The following C7orf57 variants were observed in gnomAD, a reference collection of about 807,000 sequenced individuals.
C7orf57 encodes uncharacterized protein C7orf57.
A neutral mutation model predicts 39.0 loss-of-function variants in C7orf57; 33 were observed. The ratio of observed to expected loss-of-function variants is 0.85; its 90% confidence interval spans 0.64 to 1.13. The LOEUF (loss-of-function observed/expected upper bound fraction) is 1.13. C7orf57 is among the 50% of genes most tolerant of loss of function. The probability of loss-of-function intolerance (pLI) is 0.00; values close to 1 mark genes in which losing one functional copy is unlikely to be tolerated. For synonymous variants in C7orf57, 124 were observed against 137.1 expected (o/e 0.90, Z 0.67); for missense variants, 346 against 362.3 (o/e 0.95, Z 0.37).
intron 2 of C7orf57, among the ~76,000 whole-genome samples, chr7:48,040,003 A>G (rs767824057): frequency 6.6e-6 from 1 of 152,138 alleles, no homozygotes; most frequent in Non-Finnish European, 1.5e-5. Flanking sequence ...TCAGATTCAA[A>G]TAGTTACCTA....
At position 48,049,973 on chromosome 7, in the gene C7orf57, C is replaced by G. The variant is rs765835328; in HGVS notation, c.601C>G (p.Pro201Ala). ...NPAGSRLSFP[P>A]VPGQKNSSPT... ...TGCAGGAAGTAGACTCTCCTTCCCC[C>G]CCGTGTAAGTGCTTGAGCTACGCCC... The change falls in exon 6 of 9, where the codon CCC becomes GCC. Residue 201 changes from proline to alanine, a missense_variant. Coordinates refer to ENST00000348904, the MANE Select transcript of C7orf57 (RefSeq NM_001100159.3). The G allele has an allele frequency of 1.3e-5, 21 of 1,605,054 alleles. No individual in the cohort carries two copies. The East Asian group carries it at 1.6e-4, about 12-fold the overall frequency.
rs141572433 is a variant in C7orf57, at chr7:48,048,230, G to C, written c.507+1614G>C. Among the ~76,000 whole-genome samples the C allele has an allele frequency of 3.3e-5, 5 of 152,284 alleles. No homozygotes were observed. In the East Asian group the frequency reaches 9.6e-4, roughly 29 times the overall value. On this transcript the variant is annotated intron_variant, in intron 5 of 8. Coordinates refer to ENST00000348904, the MANE Select transcript of C7orf57 (RefSeq NM_001100159.3). The stretch of plus-strand genomic sequence containing the variant: ...AGGTGCAGGGGATGAGCACCGCATC[G>C]GGATGGGCTCTGATTTCCCTAATAA...
At position 48,052,771 on chromosome 7, in the gene C7orf57, T is replaced by TGCA. The variant is rs1176849555; in HGVS notation, c.689_691dup (p.Gln230dup). ...AGCAATGGTTATAAGGATGAGTGGT[T>TGCA]GCAGCAGCAGCAGCGAGCTGACTCA... On this transcript the variant is annotated inframe_insertion, in exon 7 of 9. Transcript: ENST00000348904. 1.2e-6 allele frequency: 2 copies of TGCA among 1,614,018 alleles called. No individual in the cohort carries two copies. The highest frequency in any genetic ancestry group is 1.7e-6 in the Non-Finnish European group (2 of 1,179,900).
Position 48,041,437 on chromosome 7 carries a change from G to A in C7orf57, c.159G>A (p.Glu53=). Residue 53 remains glutamate (E), a synonymous_variant, in exon 3 of 9, where the codon GAG becomes GAA. Transcript: ENST00000348904. ...GCAATTTGGGAGACTCACACAGCGA[G>A]AACCTGCCTGGGACTCGGAGATACT... ...GLSNLGDSHS[E]NLPGTRRYWI... 6.2e-7 allele frequency: 1 copy of A among 1,613,984 alleles called. No homozygotes were observed. The highest frequency in any genetic ancestry group is 8.5e-7 in the Non-Finnish European group (1 of 1,179,878).
chr7:48,051,857 TTC>T lies in C7orf57; in HGVS notation c.606-841_606-840del, dbSNP rs1491430562. On this transcript the variant is annotated intron_variant, in intron 6 of 8. Coordinates refer to ENST00000348904, the MANE Select transcript of C7orf57 (RefSeq NM_001100159.3). Reference sequence around the variant, plus strand: ...TTTCTTTCTTTCTTTCTTTCTTTCTTTCTTTCTTTCTTTCTCTTTCTCTTTCT... The same window carrying T: ...TTTCTTTCTTTCTTTCTTTCTTTCTTTTTCTTTCTTTCTCTTTCTCTTTCT... 2.5e-4 allele frequency among the ~76,000 whole-genome samples: 21 copies of T among 84,208 alleles called. 6 individuals are homozygous for T. Among genetic ancestry groups the T allele is most frequent in the Non-Finnish European group, 4.0e-4 (17 of 42,660 alleles). The allele number at this position is 84,208 out of a possible 152,430, so 55.2% of individuals were successfully genotyped here. A position where few individuals can be genotyped will look rare whatever the true frequency, so the allele number is the denominator to read the frequency against.
chr7:48,051,754 C>T (rs13241437), intron 6 of C7orf57, among the ~76,000 whole-genome samples: 1 of 12,888 alleles, frequency 7.8e-5, no homozygotes, highest in Admixed American at 9.0e-4. Flanking sequence ...TTTTTCTTTT[C>T]TTTCTTTCTT....
rs751359233 is a variant in C7orf57 at position 48,046,616 on chromosome 7, G to A, written c.507G>A (p.Lys169=). 3.1e-6 allele frequency: 5 copies of A among 1,610,644 alleles called. No individual in the cohort carries two copies. In the South Asian group the frequency reaches 4.4e-5, roughly 14 times the overall value. ...EAEELEKEKK[K]LRLPAIDSKY... is the part of the protein sequence containing the mutation. ...AGGAACTTGAAAAGGAGAAAAAAAA[G>A]GTGACGGGAGCCCATAAATAGACGG... Residue 169 remains lysine (K), a splice_region_variant and synonymous_variant, in exon 5 of 9, where the codon AAG becomes AAA. Transcript: ENST00000348904.
intron 2 of C7orf57, among the ~76,000 whole-genome samples, chr7:48,040,768 T>C (rs1191149582): frequency 6.6e-6 from 1 of 152,082 alleles, no homozygotes; most frequent in African/African-American, 2.4e-5. Flanking sequence ...CTTTGACCAC[T>C]CCCCAGTCCT....
intron 7 of C7orf57, 46 bp downstream of exon 7, chr7:48,052,969 T>C: frequency 6.9e-7 from 1 of 1,449,400 alleles, no homozygotes; most frequent in East Asian, 2.3e-5. Context: ...CTTGGTTAAT[T>C]GTGATGCAGC....
intron 7 of C7orf57, chr7:48,053,126 G>A: frequency 1.5e-6 from 1 of 685,578 alleles, no homozygotes; most frequent in Non-Finnish European, 2.7e-6. Flanking sequence ...CAAATGAATA[G>A]CGGAAGTCAT....
chr7:48,053,048 G>T (rs1185258444), intron 7 of C7orf57, 125 bp downstream of exon 7: 3 of 760,568 alleles, frequency 3.9e-6, no homozygotes, highest in East Asian at 2.7e-5. Context: ...ATGTGAAAAC[G>T]CCCACAGAAG....
chr7:48,055,797 T>C (rs1354832642), intron 8 of C7orf57, among the ~76,000 whole-genome samples: 1 of 152,214 alleles, frequency 6.6e-6, no homozygotes, highest in Non-Finnish European at 1.5e-5. Context: ...TGACAGAATT[T>C]ACTTCTTTTT....
chr7:48,041,875 C>A (rs1191036376), intron 3 of C7orf57, among the ~76,000 whole-genome samples: 1 of 152,196 alleles, frequency 6.6e-6, no homozygotes, highest in Non-Finnish European at 1.5e-5. Context: ...GCTACCAATT[C>A]TTGTCTAATT....
intron 6 of C7orf57, among the ~76,000 whole-genome samples, chr7:48,050,396 T>C (rs1442089807): frequency 6.6e-6 from 1 of 152,200 alleles, no homozygotes; most frequent in Non-Finnish European, 1.5e-5. Context: ...GCTGGCTCTG[T>C]TTCCAGTTGG....
chr7:48,045,647 A>C (rs1029563151), intron 4 of C7orf57, among the ~76,000 whole-genome samples: 7 of 152,132 alleles, frequency 4.6e-5, no homozygotes, highest in African/African-American at 1.7e-4. Flanking sequence ...AGTACAAATG[A>C]GGAGCAGGAC....
intron 4 of C7orf57, among the ~76,000 whole-genome samples, chr7:48,044,497 G>A (rs4724670): frequency 6.6e-6 from 1 of 152,048 alleles, no homozygotes; most frequent in Non-Finnish European, 1.5e-5. Flanking sequence ...TTTAGTGAAC[G>A]CTCTTTACTA....
chr7:48,049,779 C>A (rs1291239694), intron 5 of C7orf57, 101 bp from the exon 6 acceptor site: 71 of 784,984 alleles, frequency 9.0e-5, no homozygotes, highest in Non-Finnish European at 1.5e-4. Context: ...ATTGAAAGTC[C>A]AGCCTATAAG....
chr7:48,037,174 G>A (rs1463347850), intron 2 of C7orf57, among the ~76,000 whole-genome samples: 1 of 116,042 alleles, frequency 8.6e-6, no homozygotes, highest in Non-Finnish European at 1.8e-5. Context: ...GGATTGGAAA[G>A]GGGACAGCAC....
chr7:48,035,855 G>A lies in C7orf57; in HGVS notation c.-102+225G>A, dbSNP rs758645288. On this transcript the variant is annotated intron_variant, in intron 1 of 8. Transcript: ENST00000348904. This position sits in a 1 kb window ranked among gnomAD's most constrained non-coding sequence, Gnocchi z 4.0. Reference sequence around the variant, plus strand: ...CCTCTCTGTACTTGCTGTGTCCCTGGCGTGGACGTGCCTGTACTGGATACC... The same window carrying A: ...CCTCTCTGTACTTGCTGTGTCCCTGACGTGGACGTGCCTGTACTGGATACC... Among the ~76,000 whole-genome samples, 9 of 152,272 alleles carry A rather than the reference G, an allele frequency of 5.9e-5. No individual in the cohort carries two copies. Among genetic ancestry groups the A allele is most frequent in the South Asian group, 2.1e-4 (1 of 4,822 alleles).
Sources: gnomAD v4.1 joint callset for allele counts (sites outside exome capture counted in the v4.1 genomes callset) on GRCh38, gnomAD v4.1.1 for gene constraint, Gnocchi (gnomAD v3.1) non-coding constraint, MANE v1.5 for transcripts, NCBI Gene and HGNC (gene_info 2026-07-23, HGNC 2026-07-21) for gene names.